Variants in FGF7 observed in about 807,000 individuals in gnomAD.
The protein encoded by FGF7 is fibroblast growth factor 7.
Under a neutral mutation model 20.5 loss-of-function variants are expected in FGF7, and 6 were observed. The observed-to-expected ratio is 0.29, with a 90% confidence interval of 0.16 to 0.58. FGF7 has a LOEUF of 0.58. Among genes scored for constraint, FGF7 ranks in the 20% least tolerant of loss-of-function variants. The probability of loss-of-function intolerance (pLI) is 0.90; values close to 1 mark genes in which losing one functional copy is unlikely to be tolerated. For missense variants in FGF7, 144 were observed against 228.8 expected (o/e 0.63, Z 2.39); for synonymous variants, 64 against 74.7 (o/e 0.86, Z 0.74).
chr15:49,443,242 A>G (rs578256211), intron 2 of FGF7, among the ~76,000 whole-genome samples: 2 of 151,834 alleles, frequency 1.3e-5, no homozygotes, highest in African/African-American at 4.8e-5. Context: ...TTAAAAGAAA[A>G]GTAATAAATA....
intron 2 of FGF7, among the ~76,000 whole-genome samples, chr15:49,449,470 C>A (rs957872159): frequency 6.6e-6 from 1 of 151,996 alleles, no homozygotes; most frequent in African/African-American, 2.4e-5. Flanking sequence ...ATTTTCACCA[C>A]CCACCAGTCC....
chr15:49,423,951 T>G, intron 1 of FGF7, 81 bp from the exon 2 acceptor site: 1 of 215,020 alleles, frequency 4.7e-6, no homozygotes. Flanking sequence ...ATGCTACTAC[T>G]TACCCACTAA....
At chr15:49,477,984 T>C (rs995843449) in intron 2 of FGF7, among the ~76,000 whole-genome samples, 1 of 152,184 alleles carries the variant, frequency 6.6e-6, no homozygotes, top group Non-Finnish European at 1.5e-5. Context: ...CCTGGGTATA[T>C]TGTGTGATAC....
intron 2 of FGF7, among the ~76,000 whole-genome samples, chr15:49,469,926 A>C (rs1452982384): frequency 6.6e-6 from 1 of 152,146 alleles, no homozygotes; most frequent in Non-Finnish European, 1.5e-5. Flanking sequence ...ATCCACATCA[A>C]ACCAAAGAAT....
In FGF7 at chr15:49,475,576, A is replaced by C. The variant is rs572337964; in HGVS notation, c.287-7575A>C. On this transcript the variant is annotated intron_variant, in intron 2 of 3. Transcript: ENST00000267843. ...CAGATTAGCAGATATTTAACAAATAAAATATTATGCTAACTTTATTATTTA... is the reference window on the plus strand; with the variant it reads ...CAGATTAGCAGATATTTAACAAATACAATATTATGCTAACTTTATTATTTA... Among the ~76,000 whole-genome samples, 134 of 152,192 alleles carry C rather than the reference A, an allele frequency of 8.8e-4. 5 individuals are homozygous for C. The South Asian group carries it at 0.027, about 30-fold the overall frequency.
chr15:49,439,663 C>CT (rs1429141013), intron 2 of FGF7, among the ~76,000 whole-genome samples: 6 of 151,704 alleles, frequency 4.0e-5, no homozygotes, highest in African/African-American at 1.5e-4. Flanking sequence ...GATAGCTTTC[C>CT]TTATTGGAAC....
At chr15:49,449,557 G>C (rs78546262) in intron 2 of FGF7, among the ~76,000 whole-genome samples, 1 of 151,934 alleles carries the variant, frequency 6.6e-6, no homozygotes, top group Non-Finnish European at 1.5e-5. Context: ...GAATCAGCAA[G>C]ATTACTGCCT....
chr15:49,438,042 T>C (rs2051275011), intron 2 of FGF7, among the ~76,000 whole-genome samples: 2 of 151,570 alleles, frequency 1.3e-5, no homozygotes, highest in Non-Finnish European at 1.5e-5. Flanking sequence ...TGGAAAATAG[T>C]ACATGAAGAA....
chr15:49,474,195 C>A (rs1364192380), intron 2 of FGF7, among the ~76,000 whole-genome samples: 2 of 152,112 alleles, frequency 1.3e-5, no homozygotes, highest in African/African-American at 4.8e-5. Flanking sequence ...CTTAGGCTAT[C>A]TATATCAGCC....
intron 2 of FGF7, among the ~76,000 whole-genome samples, chr15:49,466,696 G>A (rs1383689289): frequency 1.3e-5 from 2 of 152,126 alleles, no homozygotes; most frequent in African/African-American, 4.8e-5. Flanking sequence ...CTAATGTGAT[G>A]GCAATGGAAA....
intron 2 of FGF7, among the ~76,000 whole-genome samples, chr15:49,479,717 G>A (rs1311581074): frequency 7.1e-6 from 1 of 140,396 alleles, no homozygotes; most frequent in East Asian, 2.3e-4. Context: ...AGGTTCAAAT[G>A]ATTCTCCTGA....
chr15:49,424,082 T>C lies in FGF7; in HGVS notation c.-216T>C. The C allele has an allele frequency of 2.3e-6, 1 of 426,874 alleles. No homozygotes were observed. The highest frequency in any genetic ancestry group is 6.6e-5 in the South Asian group (1 of 15,206). The allele number at this position is 426,874 out of a possible 1,614,324, so 26.4% of individuals were successfully genotyped here. ...GCAACTGAACTTACTACGAACTGTT[T>C]TTATGAGGATTTATCAACAGAGTTA... On this transcript the variant is annotated 5_prime_UTR_variant, in exon 2 of 4. Coordinates refer to ENST00000267843, the MANE Select transcript of FGF7 (RefSeq NM_002009.4).
chr15:49,465,372 G>C (rs946249400), intron 2 of FGF7, among the ~76,000 whole-genome samples: 3 of 151,230 alleles, frequency 2.0e-5, no homozygotes, highest in Non-Finnish European at 4.4e-5. Context: ...CTGAGCTCAA[G>C]TGATCTGCCC....
At chr15:49,460,458 C>G (rs2053689848) in intron 2 of FGF7, among the ~76,000 whole-genome samples, 2 of 152,146 alleles carry the variant, frequency 1.3e-5, no homozygotes, top group South Asian at 4.1e-4. Context: ...TGCATGTGCT[C>G]AAATTAGCTC....
chr15:49,474,995 T>C (rs1335144003), intron 2 of FGF7, among the ~76,000 whole-genome samples: 1 of 128,036 alleles, frequency 7.8e-6, no homozygotes, highest in Non-Finnish European at 1.6e-5. Context: ...ATTCAAACTA[T>C]AAAAGATAGA....
intron 2 of FGF7, among the ~76,000 whole-genome samples, chr15:49,474,397 G>A (rs998470912): frequency 6.6e-6 from 1 of 152,076 alleles, no homozygotes; most frequent in Admixed American, 6.6e-5. Context: ...ATATATTCAC[G>A]TATAATTGGT....
intron 2 of FGF7, among the ~76,000 whole-genome samples, chr15:49,478,010 G>C (rs2055516208): frequency 6.6e-6 from 1 of 152,166 alleles, no homozygotes; most frequent in South Asian, 2.1e-4. Context: ...TTTGAGGTAT[G>C]ATTGCTCCCA....
intron 2 of FGF7, among the ~76,000 whole-genome samples, chr15:49,437,451 G>C (rs2051209561): frequency 6.6e-6 from 1 of 151,426 alleles, no homozygotes; most frequent in Admixed American, 6.6e-5. Flanking sequence ...AAAAGTAAGA[G>C]GCAAAAGAAA....
intron 2 of FGF7, among the ~76,000 whole-genome samples, chr15:49,458,909 T>C (rs972121103): frequency 3.3e-5 from 5 of 152,158 alleles, no homozygotes; most frequent in African/African-American, 7.2e-5. Context: ...TTAGTAATTA[T>C]TTTTTACGAG....
Sources: gnomAD v4.1 joint callset for allele counts (sites outside exome capture counted in the v4.1 genomes callset) on GRCh38, gnomAD v4.1.1 for gene constraint, MANE v1.5 for transcripts, NCBI Gene and HGNC (gene_info 2026-07-23, HGNC 2026-07-21) for gene names.